Variants in USP34 observed in about 807,000 individuals in gnomAD.
USP34 encodes the protein ubiquitin carboxyl-terminal hydrolase 34.
Under a neutral mutation model 460.3 loss-of-function variants are expected in USP34, and 70 were observed. The observed-to-expected ratio is 0.15, with a 90% CI of 0.13 to 0.19. The LOEUF is 0.19. Ranked by LOEUF, USP34 falls within the 10% of genes least tolerant of loss-of-function variation. The probability of loss-of-function intolerance (pLI) is 1.00; values close to 1 mark genes in which losing one functional copy is unlikely to be tolerated. For synonymous variants in USP34, 1,647 were observed against 1,405.3 expected (o/e 1.17, Z -3.85); for missense variants, 3,985 against 4,236.2 (o/e 0.94, Z 1.65).
At chr2:61,353,301 A>G (rs1448475773) in intron 10 of USP34, among the ~76,000 whole-genome samples, 1 of 152,122 alleles carries the variant, frequency 6.6e-6, no homozygotes, top group Non-Finnish European at 1.5e-5. Flanking sequence ...TTAGAGTTGT[A>G]CTTTTTTTTT....
rs116105940 is a variant in USP34 at position 61,216,144 on chromosome 2, C to G, written c.8048-1450G>C. Among the ~76,000 whole-genome samples the G allele has an allele frequency of 3.7e-3, 570 of 152,208 alleles. 2 individuals carry two copies. The highest frequency in any genetic ancestry group is 0.013 in the African/African-American group (553 of 41,520). On this transcript the variant is annotated intron_variant, in intron 67 of 79. Coordinates refer to ENST00000398571, the MANE Select transcript of USP34 (RefSeq NM_014709.4). Reference sequence around the variant, plus strand: ...CAAATTAAACTTTGTGCACAATACTCCATTTTCTAGATATTTCTTTACCTA... The same window carrying G: ...CAAATTAAACTTTGTGCACAATACTGCATTTTCTAGATATTTCTTTACCTA...
At chr2:61,229,441 A>T (rs1263997150) in intron 59 of USP34, 107 bp downstream of exon 59, 2 of 797,958 alleles carry the variant, frequency 2.5e-6, no homozygotes, top group Non-Finnish European at 3.7e-6. Flanking sequence ...GGGCAACATG[A>T]AGAAACCCTA....
chr2:61,322,932 C>T (rs1166487723), intron 21 of USP34, among the ~76,000 whole-genome samples: 1 of 150,296 alleles, frequency 6.7e-6, no homozygotes, highest in Non-Finnish European at 1.5e-5. Context: ...GCTGAATCAC[C>T]AATCCACATT....
At chr2:61,259,689 C>T in intron 44 of USP34, 22 bp downstream of exon 44, 1 of 1,609,172 alleles carries the variant, frequency 6.2e-7, no homozygotes, top group Non-Finnish European at 8.5e-7. Flanking sequence ...CCTGGCCTAG[C>T]CTCCATGATT....
chr2:61,305,753 T>C (rs1690382953), intron 27 of USP34, among the ~76,000 whole-genome samples: 1 of 152,070 alleles, frequency 6.6e-6, no homozygotes, highest in Non-Finnish European at 1.5e-5. Context: ...TGAAAATCAC[T>C]GTTAAAGAAA....
At position 61,445,504 on chromosome 2, in the gene USP34, C is replaced by G. The variant is rs1226341835; in HGVS notation, c.44-24671G>C. Among the ~76,000 whole-genome samples, 6 of 146,810 alleles carry G rather than the reference C, an allele frequency of 4.1e-5. No individual in the cohort carries two copies. In the Admixed American group the frequency reaches 4.1e-4, roughly 10 times the overall value. On this transcript the variant is annotated intron_variant, in intron 1 of 79. Coordinates refer to ENST00000398571, the MANE Select transcript of USP34 (RefSeq NM_014709.4). ...GAGCCGAGATTGCGCCACTGCACTC[C>G]AGCCTGGGCAACAGATCGAGACTCC...
chr2:61,378,172 C>CA (rs955880080), intron 8 of USP34, among the ~76,000 whole-genome samples, 191 bp downstream of exon 8: 1 of 151,018 alleles, frequency 6.6e-6, no homozygotes, highest in Non-Finnish European at 1.5e-5. Context: ...GACCCTGTCT[C>CA]AAAAAAAAGA....
chr2:61,435,496 C>G (rs1252374208), intron 1 of USP34, among the ~76,000 whole-genome samples: 2 of 151,258 alleles, frequency 1.3e-5, no homozygotes, highest in Non-Finnish European at 2.9e-5. Flanking sequence ...TTATACCCAG[C>G]AAAGCTGTCC....
At chr2:61,383,124 A>C in intron 6 of USP34, 145 bp downstream of exon 6, 1 of 471,562 alleles carries the variant, frequency 2.1e-6, no homozygotes, top group Non-Finnish European at 3.7e-6. Flanking sequence ...TATGTGCATA[A>C]AAAACACTAT....
chr2:61,275,728 G>C (rs761839938), intron 41 of USP34, among the ~76,000 whole-genome samples: 1 of 152,034 alleles, frequency 6.6e-6, no homozygotes. Flanking sequence ...TGTGTAGACA[G>C]TATTGTATAA....
At chr2:61,422,770 G>A (rs768670240) in intron 1 of USP34, among the ~76,000 whole-genome samples, 104 of 152,240 alleles carry the variant, frequency 6.8e-4, no homozygotes, top group Non-Finnish European at 1.3e-3. Flanking sequence ...AGGCCAAGGC[G>A]GGCAGATCAC....
chr2:61,378,740 C>G (rs1187216541), intron 7 of USP34, among the ~76,000 whole-genome samples: 2 of 151,676 alleles, frequency 1.3e-5, no homozygotes, highest in Non-Finnish European at 2.9e-5. Flanking sequence ...ATCTCCATCT[C>G]TATTAAAAAT....
At chr2:61,408,305 T>C (rs1459513632) in intron 2 of USP34, among the ~76,000 whole-genome samples, 2 of 152,126 alleles carry the variant, frequency 1.3e-5, no homozygotes, top group South Asian at 2.1e-4. Context: ...CCCAAATTCC[T>C]GTCCCATTGA....
At chr2:61,365,338 T>C (rs1349798294) in intron 10 of USP34, among the ~76,000 whole-genome samples, 1 of 151,942 alleles carries the variant, frequency 6.6e-6, no homozygotes, top group Admixed American at 6.6e-5. Context: ...TATATATGTA[T>C]GTATGTATGT....
intron 69 of USP34, among the ~76,000 whole-genome samples, chr2:61,210,742 C>T (rs978351043): frequency 2.0e-5 from 3 of 151,840 alleles, no homozygotes; most frequent in African/African-American, 4.8e-5. Context: ...TTTTGAGACT[C>T]GCTCTGTCAC....
intron 34 of USP34, among the ~76,000 whole-genome samples, chr2:61,286,012 C>T (rs1689678968): frequency 6.6e-6 from 1 of 152,186 alleles, no homozygotes; most frequent in Non-Finnish European, 1.5e-5. Flanking sequence ...ATGGTTAACA[C>T]AAGTATATAC....
chr2:61,322,965 T>C (rs1690971419), intron 21 of USP34, among the ~76,000 whole-genome samples: 1 of 152,210 alleles, frequency 6.6e-6, no homozygotes, highest in Admixed American at 6.5e-5. Context: ...TAAACACTTT[T>C]GTTATTTTTT....
chr2:61,388,133 T>C (rs1693223913), intron 5 of USP34, among the ~76,000 whole-genome samples: 1 of 151,972 alleles, frequency 6.6e-6, no homozygotes, highest in South Asian at 2.1e-4. Context: ...ACACCAGCTA[T>C]GCAAGAGGCT....
rs1688065104 is a variant in USP34, at chr2:61,236,236, T to C, written c.6843A>G (p.Gly2281=). 6.2e-7 allele frequency: 1 copy of C among 1,608,424 alleles called. No homozygotes were observed. Among genetic ancestry groups the C allele is most frequent in the Non-Finnish European group, 8.5e-7 (1 of 1,177,826 alleles). ...TACAACTACACAATTGCCACATAAATCTAGAATTTAAAAATAATCATTTAA... is the reference window on the plus strand; with the variant it reads ...TACAACTACACAATTGCCACATAAACCTAGAATTTAAAAATAATCATTTAA... ...DKNIFEHTYF[G]FMWQLCSCIP... is the part of the protein sequence containing the mutation. The change falls in exon 55 of 80, where the codon GGA becomes GGG. Residue 2281 remains glycine, a splice_region_variant and synonymous_variant. Transcript: ENST00000398571.
Sources: allele counts gnomAD v4.1 joint callset (sites outside exome capture counted in the v4.1 genomes callset), GRCh38; gene constraint gnomAD v4.1.1; transcripts MANE v1.5; gene names NCBI Gene and HGNC (gene_info 2026-07-23, HGNC 2026-07-21).